The following KIRREL3 variants were observed in gnomAD, a reference collection of about 807,000 sequenced individuals.
The protein encoded by KIRREL3 is kin of IRRE-like protein 3.
Under a neutral mutation model 89.7 loss-of-function variants are expected in KIRREL3, and 36 were observed. The ratio of observed to expected loss-of-function variants is 0.40; its 90% CI spans 0.31 to 0.53. The LOEUF (loss-of-function observed/expected upper bound fraction) is 0.53, where lower values mean the gene tolerates loss of function less well. Among genes scored for constraint, KIRREL3 ranks in the 20% least tolerant of loss-of-function variants. The pLI is 0.49. For missense variants in KIRREL3, 864 were observed against 1,056.6 expected, an observed-to-expected ratio of 0.82 and a Z score of 2.53; for synonymous variants, 445 against 441.4, an observed-to-expected ratio of 1.01 and a Z score of -0.10.
intron 6 of KIRREL3, among the ~76,000 whole-genome samples, chr11:126,457,764 C>T (rs1016190871): frequency 1.3e-4 from 20 of 152,218 alleles, no homozygotes; most frequent in African/African-American, 3.4e-4. Flanking sequence ...CACGGAGACC[C>T]GGCACATAGG....
In KIRREL3 at chr11:126,443,126, C is replaced by T. The variant is rs1281193588; in HGVS notation, c.1252+1853G>A. Among the ~76,000 whole-genome samples the T allele has an allele frequency of 6.6e-6, 1 of 152,228 alleles. No individual in the cohort carries two copies. The highest frequency in any genetic ancestry group is 1.5e-5 in the Non-Finnish European group (1 of 68,042). On this transcript the variant is annotated intron_variant, in intron 10 of 16. Transcript: ENST00000525144. This position sits in a 1 kb window ranked among gnomAD's most constrained non-coding sequence, Gnocchi z 7.3. ...CAGCAGATGTCAGCTCCTCCTTTAT[C>T]CACCTGCTTTTCCCCAGAAACGCCA...
Position 126,449,043 on chromosome 11 carries a change from G to C in KIRREL3, c.963C>G (p.Gly321=). 1 of 1,613,654 alleles carries C rather than the reference G, an allele frequency of 6.2e-7. No individual in the cohort carries two copies. Among genetic ancestry groups the C allele is most frequent in the Non-Finnish European group, 8.5e-7 (1 of 1,179,626 alleles). ...PVSCEVTNAL[G]STNLSRTVDV... ...CAACCGTGCGGCTGAGGTTGGTGCT[G>C]CCCAGGGCGTTGGTCACCTCACAGG... is the stretch of plus-strand genomic sequence containing the variant. The change falls in exon 8 of 17, where the codon GGC becomes GGG. Residue 321 remains glycine, a synonymous_variant. Coordinates refer to ENST00000525144, the MANE Select transcript of KIRREL3 (RefSeq NM_032531.4).
intron 1 of KIRREL3, among the ~76,000 whole-genome samples, chr11:126,633,537 C>A (rs925677377): frequency 1.3e-5 from 2 of 152,046 alleles, no homozygotes; most frequent in African/African-American, 4.8e-5. Flanking sequence ...CTGGCACCTC[C>A]CCCTCGCCTT....
rs1331482168 is a variant in KIRREL3 at position 126,578,539 on chromosome 11, G to C, written c.56-15627C>G. ...ACTTGGGGTGTGGCGTGTCCCTGTG[G>C]GTGGACACATTGTGAACAGTAAGTA... is the stretch of plus-strand genomic sequence containing the variant. On this transcript the variant is annotated intron_variant, in intron 1 of 16. Transcript: ENST00000525144. The surrounding 1 kb of genome is among the most constrained non-coding windows in gnomAD (Gnocchi z 4.9). 6.6e-6 allele frequency among the ~76,000 whole-genome samples: 1 copy of C among 152,190 alleles called. No homozygotes were observed. The highest frequency in any genetic ancestry group is 1.5e-5 in the Non-Finnish European group (1 of 68,044).
intron 1 of KIRREL3, among the ~76,000 whole-genome samples, chr11:126,966,435 C>T (rs186777094): frequency 3.9e-5 from 6 of 152,112 alleles, no homozygotes; most frequent in African/African-American, 1.2e-4. Flanking sequence ...GAGTGTGCAC[C>T]ACTCAAGCTG....
intron 1 of KIRREL3, among the ~76,000 whole-genome samples, chr11:126,613,812 T>C (rs963580101): frequency 6.6e-6 from 1 of 151,248 alleles, no homozygotes; most frequent in Non-Finnish European, 1.5e-5. Flanking sequence ...TGCATTACCT[T>C]GGCCAGAAAA....
intron 2 of KIRREL3, among the ~76,000 whole-genome samples, chr11:126,539,813 A>C (rs614718): frequency 0.58 from 88,000 of 152,076 alleles, 26,013 homozygotes; most frequent in East Asian, 0.94. Context: ...ACTGAGCACT[A>C]CCTATGGGTC....
In KIRREL3 at chr11:126,948,447, G is replaced by T. The variant is rs1948683829; in HGVS notation, c.55+52008C>A. Among the ~76,000 whole-genome samples, 1 of 152,136 alleles carries T rather than the reference G, an allele frequency of 6.6e-6. No homozygotes were observed. The highest frequency in any genetic ancestry group is 2.4e-5 in the African/African-American group (1 of 41,424). On this transcript the variant is annotated intron_variant, in intron 1 of 16. Transcript: ENST00000525144. This position sits in a 1 kb window ranked among gnomAD's most constrained non-coding sequence, Gnocchi z 4.5. Reference sequence around the variant, plus strand: ...TATGCTCAGAGCTAAGAGAACAGCGGGGTAGACTAGAAATACTATGCAGGG... The same window carrying T: ...TATGCTCAGAGCTAAGAGAACAGCGTGGTAGACTAGAAATACTATGCAGGG...
At chr11:126,437,240 C>T (rs887369284) in intron 11 of KIRREL3, among the ~76,000 whole-genome samples, 11 of 152,150 alleles carry the variant, frequency 7.2e-5, no homozygotes, top group Admixed American at 2.0e-4. Flanking sequence ...GCATCCCACA[C>T]GGCACCCACA....
intron 10 of KIRREL3, among the ~76,000 whole-genome samples, chr11:126,442,296 C>A (rs1955602427): frequency 9.0e-6 from 1 of 111,718 alleles, no homozygotes; most frequent in South Asian, 3.2e-4. Flanking sequence ...AAAAACCCAA[C>A]ATGCACAGAC....
At chr11:126,688,184 T>G (rs930012374) in intron 1 of KIRREL3, among the ~76,000 whole-genome samples, 1 of 152,218 alleles carries the variant, frequency 6.6e-6, no homozygotes, top group Admixed American at 6.5e-5. Context: ...GTCCCACTTC[T>G]GGTCTCTGGC....
At position 126,870,218 on chromosome 11, in the gene KIRREL3, C is replaced by T. The variant is rs961387150; in HGVS notation, c.55+130237G>A. ...ACGGTCTAAAGCCACATCCTGTCTGCCCCAGGCTCATATTCTGCCAGGGAC... is the reference window on the plus strand; with the variant it reads ...ACGGTCTAAAGCCACATCCTGTCTGTCCCAGGCTCATATTCTGCCAGGGAC... On this transcript the variant is annotated intron_variant, in intron 1 of 16. Coordinates refer to ENST00000525144, the MANE Select transcript of KIRREL3 (RefSeq NM_032531.4). This position sits in a 1 kb window ranked among gnomAD's most constrained non-coding sequence, Gnocchi z 4.4. Among the ~76,000 whole-genome samples the T allele has an allele frequency of 2.6e-5, 4 of 152,194 alleles. No homozygotes were observed. The highest frequency in any genetic ancestry group is 7.2e-5 in the African/African-American group (3 of 41,450).
chr11:126,717,212 C>T (rs3909728), intron 1 of KIRREL3, among the ~76,000 whole-genome samples: 62,473 of 152,018 alleles, frequency 0.41, 13,822 homozygotes, highest in East Asian at 0.8. Flanking sequence ...GGCATCCTTT[C>T]GGAAGCCTGA....
At chr11:126,852,300 C>T (rs888209295) in intron 1 of KIRREL3, among the ~76,000 whole-genome samples, 10 of 152,206 alleles carry the variant, frequency 6.6e-5, no homozygotes, top group Non-Finnish European at 1.3e-4. Flanking sequence ...GATCCACCCA[C>T]CTCAGCCTCC....
rs57753203 is a variant in KIRREL3 at position 126,668,693 on chromosome 11, T to TTTTCTTTCTTTCTTTCTTTC, written c.56-105801_56-105782dup. ...TAAAGAGCTGTTGGGAAGTTTCTGT[T>TTTTCTTTCTTTCTTTCTTTC]TTTCTTTCTTTCTTTCTTTCTTTCT... On this transcript the variant is annotated intron_variant, in intron 1 of 16. Transcript: ENST00000525144. This position sits in a 1 kb window ranked among gnomAD's most constrained non-coding sequence, Gnocchi z 4.4. Among the ~76,000 whole-genome samples the TTTTCTTTCTTTCTTTCTTTC allele has an allele frequency of 1.8e-4, 23 of 126,718 alleles. No homozygotes were observed. The highest frequency in any genetic ancestry group is 7.7e-3 in the Middle Eastern group (2 of 260). The allele number at this position is 126,718 out of a possible 152,430, so 83.1% of individuals were successfully genotyped here.
intron 7 of KIRREL3, among the ~76,000 whole-genome samples, chr11:126,450,495 G>A (rs1490197855): frequency 9.4e-6 from 1 of 106,104 alleles, no homozygotes; most frequent in Non-Finnish European, 2.4e-5. Context: ...GTGTGAGTGT[G>A]TGCATGTGTG....
intron 1 of KIRREL3, among the ~76,000 whole-genome samples, chr11:126,644,835 A>G (rs1287913032): frequency 6.6e-6 from 1 of 152,238 alleles, no homozygotes; most frequent in Non-Finnish European, 1.5e-5. Flanking sequence ...CTATAGATGT[A>G]CAAAGCTAGC....
At chr11:126,720,021 G>A (rs1948111173) in intron 1 of KIRREL3, among the ~76,000 whole-genome samples, 1 of 152,162 alleles carries the variant, frequency 6.6e-6, no homozygotes, top group Non-Finnish European at 1.5e-5. Context: ...ATCTGCTTCA[G>A]CTGAACTAAC....
chr11:126,437,123 A>C, intron 11 of KIRREL3, 114 bp from the exon 12 acceptor site: 2 of 955,090 alleles, frequency 2.1e-6, no homozygotes, highest in Non-Finnish European at 3.0e-6. Flanking sequence ...GCCACACACT[A>C]ACACATGTGC....
Sources: gnomAD v4.1 joint callset for allele counts (sites outside exome capture counted in the v4.1 genomes callset) on GRCh38, gnomAD v4.1.1 for gene constraint, Gnocchi (gnomAD v3.1) non-coding constraint, MANE v1.5 for transcripts, NCBI Gene and HGNC (gene_info 2026-07-23, HGNC 2026-07-21) for gene names.